Variants in MYH13 observed in about 807,000 individuals in gnomAD.
MYH13 encodes the protein myosin-13.
MYH13 carries 177 observed loss-of-function variants against 232.1 expected under a neutral mutation model. The ratio of observed to expected loss-of-function variants is 0.76; its 90% CI spans 0.67 to 0.86. MYH13 has a LOEUF of 0.86. Among genes scored for constraint, MYH13 ranks in the 40% least tolerant of loss-of-function variants. MYH13 has a pLI of 0.00. For synonymous variants in MYH13, 884 were observed against 923.5 expected (o/e 0.96, Z 0.78); for missense variants, 2,246 against 2,405.9 (o/e 0.93, Z 1.39).
In MYH13 at chr17:10,354,679, C is replaced by A; in HGVS notation, c.1005+1G>T. On this transcript the variant is annotated splice_donor_variant, in intron 11 of 40. Transcript: ENST00000252172. LOFTEE classifies it high-confidence loss of function. ...AACAGACAAATAAATGGCATGCTTACATCTGTCGCCAGCAGTTCTTCACTG... is the reference window on the plus strand; with the variant it reads ...AACAGACAAATAAATGGCATGCTTAAATCTGTCGCCAGCAGTTCTTCACTG... 6.2e-7 allele frequency: 1 copy of A among 1,611,326 alleles called. No homozygotes were observed. Among genetic ancestry groups the A allele is most frequent in the Non-Finnish European group, 8.5e-7 (1 of 1,177,736 alleles).
chr17:10,340,161 G>T lies in MYH13; in HGVS notation c.2045C>A (p.Thr682Asn). 1 of 1,613,444 alleles carries T rather than the reference G, an allele frequency of 6.2e-7. No homozygotes were observed. The highest frequency in any genetic ancestry group is 8.5e-7 in the Non-Finnish European group (1 of 1,179,568). The change falls in exon 18 of 41, where the codon ACC becomes AAC. Residue 682 changes from threonine (T) to asparagine (N), a missense_variant. Thr to Asn is a moderately conservative substitution (Grantham distance 65). Coordinates refer to ENST00000252172, the MANE Select transcript of MYH13 (RefSeq NM_003802.3). ...HFVRCLIPNE[T>N]KTPGVMDHYL... is the part of the protein sequence containing the mutation. ...CTGCTGGTACTCACCAGGAGTCTTG[G>T]TCTCATTGGGAATCAGACATCGTAC...
chr17:10,354,968 C>T lies in MYH13; in HGVS notation c.828G>A (p.Thr276=), dbSNP rs748057070. The change falls in exon 10 of 41, where the codon ACG becomes ACA. Residue 276 remains threonine (T), a synonymous_variant. Coordinates refer to ENST00000252172, the MANE Select transcript of MYH13 (RefSeq NM_003802.3). ...AGCTTCTCTCACTGGATAATTGAAA[C>T]GTCACTCTGGATTTTTCTAACAGAT... The part of the protein sequence containing the change: ...ETYLLEKSRV[T]FQLSSERSYH... 39 of 1,609,628 alleles carry T rather than the reference C, an allele frequency of 2.4e-5. No individual in the cohort carries two copies. The East Asian group carries it at 3.8e-4, about 16-fold the overall frequency.
rs190144903 is a variant in MYH13 at position 10,352,317 on chromosome 17, C to T, written c.1006-1623G>A. On this transcript the variant is annotated intron_variant, in intron 11 of 40. Transcript: ENST00000252172. ...GCTATAAAAGCTCCGTGAGGCCAGG[C>T]GCGGTAGCTCACATCTGTAATCCCA... Among the ~76,000 whole-genome samples, 580 of 152,092 alleles carry T rather than the reference C, an allele frequency of 3.8e-3. 8 individuals carry two copies. The highest frequency in any genetic ancestry group is 0.018 in the Admixed American group (275 of 15,282).
chr17:10,343,021 C>T (rs1393397454), intron 16 of MYH13, among the ~76,000 whole-genome samples: 1 of 149,620 alleles, frequency 6.7e-6, no homozygotes, highest in African/African-American at 2.5e-5. Flanking sequence ...ACCCAGGAGG[C>T]AGAGCCTGCA....
chr17:10,359,157 G>T (rs1023605444), intron 7 of MYH13, among the ~76,000 whole-genome samples: 3 of 152,162 alleles, frequency 2.0e-5, no homozygotes, highest in Non-Finnish European at 4.4e-5. Context: ...TGGTGGCTTC[G>T]GGGTCCTGGA....
At chr17:10,311,370 T>A in intron 32 of MYH13, 143 bp from the exon 33 acceptor site, 1 of 1,015,296 alleles carries the variant, frequency 9.8e-7, no homozygotes, top group Non-Finnish European at 1.4e-6. Flanking sequence ...GATGAGGTGT[T>A]GGCAAGACAG....
chr17:10,342,314 G>A (rs899590213), intron 16 of MYH13, among the ~76,000 whole-genome samples: 8 of 152,084 alleles, frequency 5.3e-5, no homozygotes, highest in African/African-American at 1.2e-4. Flanking sequence ...CTGCCTCAGC[G>A]TCCCAAAGTG....
At position 10,354,773 on chromosome 17, in the gene MYH13, CA is replaced by C; in HGVS notation, c.911del (p.Leu304ArgfsTer12). 1 of 1,613,910 alleles carries C rather than the reference CA, an allele frequency of 6.2e-7. No homozygotes were observed. The highest frequency in any genetic ancestry group is 1.1e-5 in the South Asian group (1 of 91,068). The stretch of plus-strand genomic sequence containing the variant: ...GGAAGTCGAAGGGGTTGGTGGAGAT[CA>C]GAAGCAGGTCTGTGAAACACAGATA... ...NKKPELIDLL[L>X]ISTNPFDFPF... On this transcript the variant is annotated frameshift_variant, in exon 11 of 41. Coordinates refer to ENST00000252172, the MANE Select transcript of MYH13 (RefSeq NM_003802.3). LOFTEE classifies it high-confidence loss of function.
intron 18 of MYH13, among the ~76,000 whole-genome samples, chr17:10,333,723 A>G (rs1227049483): frequency 2.0e-5 from 3 of 152,186 alleles, no homozygotes; most frequent in Admixed American, 2.0e-4. Flanking sequence ...CCTGGCCAAC[A>G]TGGTGAAACC....
rs202075781 is a variant in MYH13, at chr17:10,320,233, C to G, written c.3268G>C (p.Glu1090Gln). Residue 1090 changes from glutamate to glutamine, a missense_variant, in exon 26 of 41, where the codon GAA (glutamate) becomes CAA (glutamine). Coordinates refer to ENST00000252172, the MANE Select transcript of MYH13 (RefSeq NM_003802.3). ...ATTTTGGCTTGTAACTGACTGAGTT[C>G]AAACTCCTTCCTGCAAATAGATTAA... Reference protein sequence around the residue: ...IEEKLKKKEFELSQLQAKIDD... With the variant: ...IEEKLKKKEFQLSQLQAKIDD... The G allele has an allele frequency of 3.5e-4, 562 of 1,603,202 alleles. 9 individuals carry two copies. The South Asian group carries it at 5.4e-3, about 15-fold the overall frequency.
intron 13 of MYH13, among the ~76,000 whole-genome samples, chr17:10,346,338 G>T (rs1410894004): frequency 6.6e-6 from 1 of 152,138 alleles, no homozygotes; most frequent in Non-Finnish European, 1.5e-5. Flanking sequence ...AAACTTGGGA[G>T]CTATGGGGTG....
intron 18 of MYH13, among the ~76,000 whole-genome samples, chr17:10,337,943 C>T (rs1265230070): frequency 6.6e-6 from 1 of 152,132 alleles, no homozygotes; most frequent in Non-Finnish European, 1.5e-5. Context: ...GTCCCAGCTA[C>T]TCAGGAGGCT....
intron 16 of MYH13, among the ~76,000 whole-genome samples, chr17:10,340,791 T>G (rs2320793): frequency 0.78 from 118,256 of 151,916 alleles, 46,537 homozygotes; most frequent in East Asian, 0.88. Context: ...ATGAGCCACC[T>G]TGCCTGGCCT....
intron 11 of MYH13, among the ~76,000 whole-genome samples, chr17:10,351,563 A>G (rs528571127): frequency 6.6e-6 from 1 of 152,326 alleles, no homozygotes; most frequent in African/African-American, 2.4e-5. Flanking sequence ...TCTGTATGTT[A>G]TTAAATCCCC....
chr17:10,315,963 G>C lies in MYH13; in HGVS notation c.3801C>G (p.Asp1267Glu), dbSNP rs375797285. 7.0e-5 allele frequency: 113 copies of C among 1,613,798 alleles called. 1 individual carries two copies. Among genetic ancestry groups the C allele is most frequent in the Non-Finnish European group, 9.0e-5 (106 of 1,179,868 alleles). ...EDQFSEIKAK[D>E]EQQTQLIHDL... is the part of the protein sequence containing the mutation. ...CATGGATCAACTGTGTCTGTTGCTC[G>C]TCCTTGGCTTTGATTTCACTAAATT... The change falls in exon 28 of 41, where the codon GAC becomes GAG. Residue 1267 changes from aspartate to glutamate, a missense_variant. Physicochemically the swap from Asp to Glu is conservative, Grantham distance 45. Transcript: ENST00000252172.
Position 10,357,760 on chromosome 17 carries a change from AC to A in MYH13, c.712del (p.Val238Ter). On this transcript the variant is annotated frameshift_variant, in exon 8 of 41. Transcript: ENST00000252172. LOFTEE classifies it high-confidence loss of function. ...LLEAFGNAKT[V>X]RNDNSSRFGK... ...AAATCTTGAGGAGTTGTCATTCCTC[AC>A]AGTCTTGGCATTTCCAAAGGCCTCC... The A allele has an allele frequency of 6.2e-7, 1 of 1,613,904 alleles. No individual in the cohort carries two copies. The highest frequency in any genetic ancestry group is 1.1e-5 in the South Asian group (1 of 91,006).
chr17:10,305,158 C>T (rs905451979), intron 37 of MYH13, among the ~76,000 whole-genome samples: 1 of 152,166 alleles, frequency 6.6e-6, no homozygotes, highest in African/African-American at 2.4e-5. Context: ...TTATGGAAGT[C>T]ACATAACCGG....
intron 12 of MYH13, among the ~76,000 whole-genome samples, chr17:10,348,999 C>CTCCCT (rs753019012): frequency 5.3e-5 from 8 of 151,658 alleles, no homozygotes; most frequent in South Asian, 2.1e-4. Flanking sequence ...TTCCTTCCTT[C>CTCCCT]TCCCTTCCCT....
At chr17:10,348,797 G>A (rs1013370225) in intron 12 of MYH13, among the ~76,000 whole-genome samples, 2 of 151,994 alleles carry the variant, frequency 1.3e-5, no homozygotes, top group South Asian at 2.1e-4. Flanking sequence ...AGCGGCTTCC[G>A]TGGCCTGCCA....
Sources: gnomAD v4.1 joint callset for allele counts (sites outside exome capture counted in the v4.1 genomes callset) on GRCh38, gnomAD v4.1.1 for gene constraint, MANE v1.5 for transcripts, NCBI Gene and HGNC (gene_info 2026-07-23, HGNC 2026-07-21) for gene names.